The following UBN1 variants were observed in gnomAD, a reference collection of about 807,000 sequenced individuals.
The protein encoded by UBN1 is ubinuclein-1.
In UBN1, 17 loss-of-function variants were observed where a neutral mutation model predicts 108.5. The ratio of observed to expected loss-of-function variants is 0.16; its 90% CI spans 0.11 to 0.24. The LOEUF (loss-of-function observed/expected upper bound fraction) is 0.24, where lower values mean the gene tolerates loss of function less well. Among genes scored for constraint, UBN1 ranks in the 10% least tolerant of loss-of-function variants. The pLI is 1.00. For synonymous variants in UBN1, 726 were observed against 564.2 expected (o/e 1.29, Z -4.07); for missense variants, 1,595 against 1,394.4 (o/e 1.14, Z -2.29).
At chr16:4,849,960 A>AAAAAAAAAAC (rs2142097090) in intron 1 of UBN1, among the ~76,000 whole-genome samples, 1 of 150,398 alleles carries the variant, frequency 6.6e-6, no homozygotes, top group Non-Finnish European at 1.5e-5. Context: ...AAAAAAAAAA[A>AAAAAAAAAAC]AAAAAACCAC....
chr16:4,851,402 A>G (rs184375533), intron 1 of UBN1, among the ~76,000 whole-genome samples: 16 of 152,150 alleles, frequency 1.1e-4, no homozygotes, highest in Admixed American at 9.2e-4. Context: ...GTGAGCTGAG[A>G]TTGAGTCACT....
chr16:4,852,158 CAA>C (rs1384460123), intron 1 of UBN1: 1 of 152,154 alleles, frequency 6.6e-6, no homozygotes, highest in Admixed American at 6.5e-5. Flanking sequence ...AAGCAGGACA[CAA>C]AATTGTATAC....
intron 10 of UBN1, 76 bp downstream of exon 10, chr16:4,870,710 C>A: frequency 6.3e-7 from 1 of 1,590,834 alleles, no homozygotes; most frequent in Admixed American, 1.8e-5. Context: ...GTGTGTACTG[C>A]CGTTTCCCAA....
chr16:4,876,821 A>G lies in UBN1; in HGVS notation c.3025-50A>G, dbSNP rs755373572. ...TGTGTTGCCAGGTTTGGTGTGAGTG[A>G]GCCACGAACAGGACTGGAGTTCTTA... On this transcript the variant is annotated intron_variant, in intron 15 of 17. Coordinates refer to ENST00000262376, the MANE Select transcript of UBN1 (RefSeq NM_001079514.3). The G allele has an allele frequency of 2.6e-6, 4 of 1,528,424 alleles. No individual in the cohort carries two copies. The African/African-American group carries it at 5.5e-5, about 21-fold the overall frequency. 94.7% of individuals were successfully genotyped at this position (1,528,424 alleles called of 1,614,324 possible).
At chr16:4,853,505 C>T (rs552017706) in intron 2 of UBN1, among the ~76,000 whole-genome samples, 1 of 151,526 alleles carries the variant, frequency 6.6e-6, no homozygotes. Context: ...ATCTTGCTGT[C>T]TACCTAGTAT....
chr16:4,874,034 G>A (rs1448292081), intron 14 of UBN1, among the ~76,000 whole-genome samples, 177 bp from the exon 15 acceptor site: 2 of 152,204 alleles, frequency 1.3e-5, no homozygotes, highest in East Asian at 3.8e-4. Context: ...GGGTGATGAA[G>A]TCATGGCATC....
At chr16:4,858,346 T>C (rs2086903905) in intron 3 of UBN1, among the ~76,000 whole-genome samples, 2 of 152,172 alleles carry the variant, frequency 1.3e-5, no homozygotes, top group African/African-American at 2.4e-5. Flanking sequence ...TAAGAAGCCA[T>C]TTAGTTCATT....
At chr16:4,865,028 T>G (rs1232654865) in intron 7 of UBN1, among the ~76,000 whole-genome samples, 1 of 152,234 alleles carries the variant, frequency 6.6e-6, no homozygotes, top group Non-Finnish European at 1.5e-5. Context: ...TAAAAGGCTG[T>G]TGGAACTCTT....
chr16:4,858,161 A>G, intron 3 of UBN1, 85 bp downstream of exon 3: 1 of 886,264 alleles, frequency 1.1e-6, no homozygotes, highest in East Asian at 2.4e-5. Context: ...ATCATCATGT[A>G]ATAAACACTG....
Position 4,870,704 on chromosome 16 carries a change from G to C in UBN1, c.1430+70G>C, listed in dbSNP as rs1405349816. 7 of 1,593,944 alleles carry C rather than the reference G, an allele frequency of 4.4e-6. No individual in the cohort carries two copies. The African/African-American group carries it at 8.1e-5, about 18-fold the overall frequency. ...CTCTTCCCCTCCCGTTTCTCGGTGT[G>C]TACTGCCGTTTCCCAAGGAGCCTCT... On this transcript the variant is annotated intron_variant, in intron 10 of 17. Transcript: ENST00000262376.
chr16:4,867,654 C>T (rs1181937487), intron 7 of UBN1, among the ~76,000 whole-genome samples: 1 of 151,978 alleles, frequency 6.6e-6, no homozygotes, highest in Non-Finnish European at 1.5e-5. Flanking sequence ...GAAGTGGGTT[C>T]TAGTGAGAAT....
rs775109347 is a variant in UBN1 at position 4,877,425 on chromosome 16, G to A, written c.3306G>A (p.Ala1102=). 1.6e-5 allele frequency: 26 copies of A among 1,612,332 alleles called. No homozygotes were observed. The highest frequency in any genetic ancestry group is 6.7e-5 in the Admixed American group (4 of 59,914). The change falls in exon 17 of 18, where the codon GCG becomes GCA. Residue 1102 remains alanine (A), a synonymous_variant. Coordinates refer to ENST00000262376, the MANE Select transcript of UBN1 (RefSeq NM_001079514.3). This position sits in a 1 kb window ranked among gnomAD's most constrained non-coding sequence, Gnocchi z 4.3. ...AGLHSSPPHA[A]PLPHAAVPTH... is the part of the protein sequence containing the mutation. ...TGCACTCCAGCCCGCCCCATGCAGC[G>A]CCTCTCCCACACGCTGCGGTGCCCA...
intron 1 of UBN1, chr16:4,852,204 G>C (rs1336802300): frequency 6.6e-6 from 1 of 152,210 alleles, no homozygotes; most frequent in African/African-American, 2.4e-5. Flanking sequence ...GCATGTATTA[G>C]CATATTCATA....
intron 2 of UBN1, among the ~76,000 whole-genome samples, chr16:4,854,109 G>T (rs534476310): frequency 7.4e-5 from 11 of 149,498 alleles, no homozygotes; most frequent in African/African-American, 2.7e-4. Flanking sequence ...TCTTGTCTCA[G>T]TGCAACCTCT....
chr16:4,860,057 C>T (rs966388374), intron 6 of UBN1, 89 bp downstream of exon 6: 13 of 1,545,828 alleles, frequency 8.4e-6, no homozygotes, highest in African/African-American at 1.4e-5. Flanking sequence ...CCCACAGCTT[C>T]GGAAGAGGCA....
At chr16:4,870,760 G>C in intron 10 of UBN1, 84 bp from the exon 11 acceptor site, 1 of 1,594,384 alleles carries the variant, frequency 6.3e-7, no homozygotes, top group Non-Finnish European at 8.5e-7. Context: ...CTCCTTCTCT[G>C]TGAAGTCCCA....
intron 8 of UBN1, among the ~76,000 whole-genome samples, chr16:4,869,284 C>T (rs781277768): frequency 6.6e-6 from 1 of 152,214 alleles, no homozygotes; most frequent in Non-Finnish European, 1.5e-5. Context: ...CGGGCCTGCT[C>T]TGCCTTGGGT....
chr16:4,874,189 C>G (rs769270606), intron 14 of UBN1, 22 bp from the exon 15 acceptor site: 4 of 1,525,988 alleles, frequency 2.6e-6, no homozygotes, highest in Admixed American at 2.1e-5. Context: ...TTCTAAACAT[C>G]AACATTTCTG....
At chr16:4,867,244 G>A (rs907010801) in intron 7 of UBN1, among the ~76,000 whole-genome samples, 2 of 152,216 alleles carry the variant, frequency 1.3e-5, no homozygotes, top group Non-Finnish European at 2.9e-5. Flanking sequence ...AGTGGGTCTG[G>A]TGTAAGTTGA....
Sources: gnomAD v4.1 joint callset for allele counts (sites outside exome capture counted in the v4.1 genomes callset) on GRCh38, gnomAD v4.1.1 for gene constraint, Gnocchi (gnomAD v3.1) non-coding constraint, MANE v1.5 for transcripts, NCBI Gene and HGNC (gene_info 2026-07-23, HGNC 2026-07-21) for gene names.